The following PCDHA10 variants were observed in gnomAD, a reference collection of about 807,000 sequenced individuals.
PCDHA10 encodes the protein protocadherin alpha-10.
A neutral mutation model predicts 61.2 loss-of-function variants in PCDHA10; 45 were observed. The observed-to-expected ratio is 0.74, with a 90% CI of 0.58 to 0.94. The LOEUF is 0.94. Ranked by LOEUF, PCDHA10 falls within the 40% of genes least tolerant of loss-of-function variation. The pLI is 0.00. For synonymous variants in PCDHA10, 602 were observed against 548.8 expected, an observed-to-expected ratio of 1.10 and a Z score of -1.35; for missense variants, 1,278 against 1,236.2, an observed-to-expected ratio of 1.03 and a Z score of -0.51.
chr5:140,937,838 G>A (rs757526914), intron 1 of PCDHA10, among the ~76,000 whole-genome samples: 3 of 150,986 alleles, frequency 2.0e-5, no homozygotes, highest in Non-Finnish European at 2.9e-5. Context: ...CATGAACCTG[G>A]AAGGCGGAAC....
chr5:140,939,863 G>C (rs2092478768), intron 1 of PCDHA10, among the ~76,000 whole-genome samples: 1 of 152,064 alleles, frequency 6.6e-6, no homozygotes, highest in Non-Finnish European at 1.5e-5. Flanking sequence ...ATGTCCATTA[G>C]GTCATCTTTG....
chr5:140,933,333 A>G (rs1215342457), intron 1 of PCDHA10, among the ~76,000 whole-genome samples: 1 of 152,032 alleles, frequency 6.6e-6, no homozygotes, highest in Non-Finnish European at 1.5e-5. Flanking sequence ...TGTGCTGTAG[A>G]GAAAGATAAA....
chr5:140,998,240 A>G (rs2097802500), intron 3 of PCDHA10, among the ~76,000 whole-genome samples: 1 of 152,188 alleles, frequency 6.6e-6, no homozygotes, highest in Non-Finnish European at 1.5e-5. Context: ...GTGCATTATT[A>G]TACTCATTTT....
At chr5:140,958,192 C>G (rs1554223363) in intron 1 of PCDHA10, among the ~76,000 whole-genome samples, 1 of 151,790 alleles carries the variant, frequency 6.6e-6, no homozygotes, top group Non-Finnish European at 1.5e-5. Context: ...TGTTACTGGT[C>G]TAGTATACAA....
At chr5:140,944,188 T>A (rs184996) in intron 1 of PCDHA10, among the ~76,000 whole-genome samples, 85,693 of 151,800 alleles carry the variant, frequency 0.56, 24,784 homozygotes, top group African/African-American at 0.69. Context: ...GTTGGTTTGT[T>A]TTGTTTTGTT....
chr5:141,009,729 G>A lies in PCDHA10; in HGVS notation c.2639G>A (p.Gly880Asp). 6.2e-7 allele frequency: 1 copy of A among 1,614,168 alleles called. No homozygotes were observed. The highest frequency in any genetic ancestry group is 8.5e-7 in the Non-Finnish European group (1 of 1,180,028). The change falls in exon 4 of 4, where the codon GGT (glycine) becomes GAT (aspartate). Residue 880 changes from glycine to aspartate, a missense_variant. Physicochemically the swap from Gly to Asp is moderately conservative, Grantham distance 94. Transcript: ENST00000307360. ...GGCAACCCCAAACAATCCGGTCCCG[G>A]TGAGTTGCCCGACAAATTCATTATC... ...GPGNPKQSGP[G>D]ELPDKFIIPG...
intron 1 of PCDHA10, among the ~76,000 whole-genome samples, chr5:140,906,212 A>C (rs2072460025): frequency 6.6e-6 from 1 of 152,194 alleles, no homozygotes; most frequent in South Asian, 2.1e-4. Context: ...CTCAGTATTA[A>C]CCATCACAAG....
intron 1 of PCDHA10, chr5:140,876,899 C>A (rs781884794): frequency 5.0e-6 from 8 of 1,613,974 alleles, no homozygotes; most frequent in Non-Finnish European, 6.8e-6. Context: ...CACATCTTCA[C>A]GGTGTCGGCA....
At chr5:140,877,149 C>T in intron 1 of PCDHA10, 5 of 1,613,766 alleles carry the variant, frequency 3.1e-6, no homozygotes, top group Non-Finnish European at 4.2e-6. Flanking sequence ...TGGACGAGAA[C>T]GACAACGCGC....
At chr5:140,870,810 T>C in intron 1 of PCDHA10, 2 of 1,613,710 alleles carry the variant, frequency 1.2e-6, no homozygotes, top group South Asian at 1.1e-5. Context: ...CGACTCAGGC[T>C]GGCAGCGCGG....
At chr5:140,893,880 G>T (rs1426434148) in intron 1 of PCDHA10, among the ~76,000 whole-genome samples, 1 of 152,090 alleles carries the variant, frequency 6.6e-6, no homozygotes, top group African/African-American at 2.4e-5. Flanking sequence ...ATCCAAAGTG[G>T]CCAGAAAGTT....
intron 3 of PCDHA10, among the ~76,000 whole-genome samples, chr5:140,989,984 C>T (rs907486922): frequency 3.3e-5 from 5 of 152,032 alleles, no homozygotes; most frequent in African/African-American, 1.2e-4. Context: ...ACAGCCCTGC[C>T]TGAAATTGTC....
intron 1 of PCDHA10, among the ~76,000 whole-genome samples, chr5:140,903,666 A>T (rs1554191076): frequency 6.6e-6 from 1 of 152,228 alleles, no homozygotes; most frequent in African/African-American, 2.4e-5. Flanking sequence ...AATTTAACTG[A>T]TATAAAAGAT....
At chr5:140,863,034 A>G (rs782534693) in intron 1 of PCDHA10, 1 of 557,696 alleles carries the variant, frequency 1.8e-6, no homozygotes, top group African/African-American at 1.9e-5. Context: ...CAACAGCTGC[A>G]TCTGTCAGCT....
intron 1 of PCDHA10, among the ~76,000 whole-genome samples, chr5:140,900,209 G>A (rs918328130): frequency 6.6e-6 from 1 of 152,146 alleles, no homozygotes; most frequent in Non-Finnish European, 1.5e-5. Context: ...GTTTCATCCA[G>A]GTTGTTGCAA....
chr5:140,957,698 A>T (rs1554223065), intron 1 of PCDHA10, among the ~76,000 whole-genome samples: 1 of 152,174 alleles, frequency 6.6e-6, no homozygotes. Flanking sequence ...AATGAACATT[A>T]TGTAGTTTTT....
rs192376340 is a variant in PCDHA10, at chr5:140,857,538, G to T, written c.1490G>T (p.Arg497Leu). The T allele has an allele frequency of 6.9e-6, 11 of 1,597,348 alleles. No individual in the cohort carries two copies. In the East Asian group the frequency reaches 2.0e-4, roughly 29 times the overall value. The change falls in exon 1 of 4, where the codon CGG (arginine) becomes CTG (leucine). Residue 497 changes from arginine to leucine, a missense_variant. Transcript: ENST00000307360. Reference sequence around the variant, plus strand: ...GTGTCCTACTCTCTGGTGGAGCGGCGGTTGGGCGAGCGCTCGCTGTCGAGC... The same window carrying T: ...GTGTCCTACTCTCTGGTGGAGCGGCTGTTGGGCGAGCGCTCGCTGTCGAGC... ...ALVSYSLVER[R>L]LGERSLSSYV...
rs1181136155 is a variant in PCDHA10, at chr5:140,966,778, G to C, written c.2389-12171G>C. Reference sequence around the variant, plus strand: ...CGCGGCCAGTGGCTATGGAGCAGGCGGGCACCAGACCTGCGGCGACAGAGC... The same window carrying C: ...CGCGGCCAGTGGCTATGGAGCAGGCCGGCACCAGACCTGCGGCGACAGAGC... On this transcript the variant is annotated intron_variant, in intron 1 of 3. Transcript: ENST00000307360. The C allele has an allele frequency of 4.0e-6, 6 of 1,512,380 alleles. No homozygotes were observed. The African/African-American group carries it at 8.3e-5, about 21-fold the overall frequency. The allele number at this position is 1,512,380 out of a possible 1,614,324, so 93.7% of individuals were successfully genotyped here. A position where few individuals can be genotyped will look rare whatever the true frequency, so the allele number is the denominator to read the frequency against.
chr5:140,860,155 A>G (rs1159738413), intron 1 of PCDHA10: 2 of 149,648 alleles, frequency 1.3e-5, no homozygotes, highest in African/African-American at 4.9e-5. Flanking sequence ...ATATATGTGT[A>G]TATATATATG....
Sources: gnomAD v4.1 joint callset for allele counts (sites outside exome capture counted in the v4.1 genomes callset) on GRCh38, gnomAD v4.1.1 for gene constraint, MANE v1.5 for transcripts, NCBI Gene and HGNC (gene_info 2026-07-23, HGNC 2026-07-21) for gene names.